MAGI1: variants seen among roughly 807,000 people sequenced by gnomAD.
MAGI1 encodes the protein membrane associated guanylate kinase, WW and PDZ domain containing 1.
Under a neutral mutation model 139.9 loss-of-function variants are expected in MAGI1, and 58 were observed. That is an observed-to-expected ratio of 0.41 (90% CI 0.34 to 0.52). MAGI1 has a LOEUF of 0.52. MAGI1 is among the 20% of genes least tolerant of loss of function. The pLI is 0.12. For synonymous variants in MAGI1, 812 were observed against 737.9 expected, an observed-to-expected ratio of 1.10 and a Z score of -1.63; for missense variants, 1,874 against 1,901.6, an observed-to-expected ratio of 0.99 and a Z score of 0.27.
intron 2 of MAGI1, among the ~76,000 whole-genome samples, chr3:65,544,583 T>G (rs1259050858): frequency 6.6e-6 from 1 of 152,170 alleles, no homozygotes; most frequent in Admixed American, 6.5e-5. Flanking sequence ...GCTACAACTC[T>G]AATATTTAAA....
intron 1 of MAGI1, among the ~76,000 whole-genome samples, chr3:65,721,088 G>A (rs569205476): frequency 6.6e-6 from 1 of 152,254 alleles, no homozygotes; most frequent in South Asian, 2.1e-4. Context: ...ACCTGTCTTG[G>A]TATGGGATGG....
At chr3:65,409,433 A>G (rs1945607554) in intron 12 of MAGI1, among the ~76,000 whole-genome samples, 1 of 152,168 alleles carries the variant, frequency 6.6e-6, no homozygotes, top group South Asian at 2.1e-4. Flanking sequence ...AGCACATGCA[A>G]TGATTGATGC....
chr3:65,895,120 G>A (rs1266031446), intron 1 of MAGI1, among the ~76,000 whole-genome samples: 1 of 152,076 alleles, frequency 6.6e-6, no homozygotes, highest in Admixed American at 6.5e-5. Flanking sequence ...GCATGGTTGG[G>A]CATAATCTGA....
At chr3:65,890,491 T>A (rs1359963822) in intron 1 of MAGI1, among the ~76,000 whole-genome samples, 1 of 152,210 alleles carries the variant, frequency 6.6e-6, no homozygotes, top group Non-Finnish European at 1.5e-5. Context: ...TTAAGCTTTA[T>A]AAAATTCAAC....
intron 5 of MAGI1, among the ~76,000 whole-genome samples, chr3:65,465,149 C>G (rs534407681): frequency 6.6e-6 from 1 of 151,166 alleles, no homozygotes; most frequent in African/African-American, 2.4e-5. Context: ...TCTCTACACA[C>G]ATTTAGAAAC....
intron 1 of MAGI1, among the ~76,000 whole-genome samples, chr3:65,847,960 A>C (rs1274984901): frequency 1.3e-5 from 2 of 152,178 alleles, no homozygotes; most frequent in African/African-American, 4.8e-5. Context: ...CCTTGAGTCC[A>C]GGAGTTTGAG....
At chr3:66,023,493 C>T (rs145719987) in intron 1 of MAGI1, among the ~76,000 whole-genome samples, 11 of 152,244 alleles carry the variant, frequency 7.2e-5, no homozygotes, top group Non-Finnish European at 1.5e-4. Context: ...CAGAACAATC[C>T]ATTATGCAGG....
intron 1 of MAGI1, among the ~76,000 whole-genome samples, chr3:66,027,128 C>T (rs1032971963): frequency 4.0e-5 from 6 of 151,686 alleles, no homozygotes; most frequent in African/African-American, 1.2e-4. Context: ...AATAGCCAGG[C>T]GTGGTGGCGG....
At chr3:65,618,357 A>T (rs2107019819) in intron 2 of MAGI1, among the ~76,000 whole-genome samples, 1 of 152,324 alleles carries the variant, frequency 6.6e-6, no homozygotes, top group Non-Finnish European at 1.5e-5. Context: ...GGAAAATAAG[A>T]TAAACTTAGA....
intron 1 of MAGI1, among the ~76,000 whole-genome samples, chr3:65,661,198 G>T (rs2086171553): frequency 6.6e-6 from 1 of 152,140 alleles, no homozygotes; most frequent in South Asian, 2.1e-4. Flanking sequence ...GGTAGAATTA[G>T]CCTTTTTGGA....
intron 1 of MAGI1, among the ~76,000 whole-genome samples, chr3:65,813,549 A>C (rs965321376): frequency 6.6e-6 from 1 of 152,216 alleles, no homozygotes; most frequent in Non-Finnish European, 1.5e-5. Context: ...GGGGATATAG[A>C]AAAAGAGCAG....
chr3:65,650,978 A>G (rs2085544031), intron 1 of MAGI1, among the ~76,000 whole-genome samples: 1 of 152,230 alleles, frequency 6.6e-6, no homozygotes, highest in Non-Finnish European at 1.5e-5. Context: ...TGGTGTGTAT[A>G]TAGTCAAAGT....
intron 1 of MAGI1, among the ~76,000 whole-genome samples, chr3:65,739,098 A>T (rs1393209313): frequency 6.6e-6 from 1 of 152,230 alleles, no homozygotes; most frequent in African/African-American, 2.4e-5. Context: ...CCGCACTGAA[A>T]ATCTGTTGTT....
At chr3:65,468,054 A>G (rs1950280988) in intron 5 of MAGI1, among the ~76,000 whole-genome samples, 1 of 152,178 alleles carries the variant, frequency 6.6e-6, no homozygotes, top group Non-Finnish European at 1.5e-5. Flanking sequence ...GGTAGGTACA[A>G]TTCATAATAT....
chr3:65,993,290 T>A (rs963027324), intron 1 of MAGI1, among the ~76,000 whole-genome samples: 4 of 152,170 alleles, frequency 2.6e-5, no homozygotes, highest in Admixed American at 2.6e-4. Context: ...TGATACCAGT[T>A]TCCCCACTGA....
chr3:65,359,708 C>A, intron 22 of MAGI1: 1 of 985,716 alleles, frequency 1.0e-6, no homozygotes, highest in Non-Finnish European at 1.2e-6. Context: ...TACAGTAGCA[C>A]AACCCTGTGG....
intron 12 of MAGI1, among the ~76,000 whole-genome samples, chr3:65,406,735 G>A (rs1398430394): frequency 3.3e-5 from 5 of 151,948 alleles, no homozygotes; most frequent in African/African-American, 9.7e-5. Flanking sequence ...AGTGTGCAAG[G>A]GGCAGGGAAC....
intron 1 of MAGI1, among the ~76,000 whole-genome samples, chr3:65,998,853 G>T (rs2066595143): frequency 6.6e-6 from 1 of 152,006 alleles, no homozygotes; most frequent in Non-Finnish European, 1.5e-5. Flanking sequence ...CACATAGCTT[G>T]TAGGGTTAGT....
At chr3:65,865,364 G>A (rs1409159714) in intron 1 of MAGI1, among the ~76,000 whole-genome samples, 2 of 152,084 alleles carry the variant, frequency 1.3e-5, no homozygotes, top group Non-Finnish European at 2.9e-5. Context: ...ACTTAGGGAG[G>A]ACGAGGCAAT....
Sources: allele counts gnomAD v4.1 joint callset (sites outside exome capture counted in the v4.1 genomes callset), GRCh38; gene constraint gnomAD v4.1.1; transcripts MANE v1.5; gene names NCBI Gene and HGNC (gene_info 2026-07-23, HGNC 2026-07-21).